RELA: variants seen among roughly 807,000 people sequenced by gnomAD.
The protein encoded by RELA is transcription factor p65.
In RELA, 14 loss-of-function variants were observed where a neutral mutation model predicts 56.7. The ratio of observed to expected loss-of-function variants is 0.25; its 90% CI spans 0.16 to 0.39. RELA has a LOEUF of 0.39. Among genes scored for constraint, RELA ranks in the 10% least tolerant of loss-of-function variants. The pLI is 1.00. For synonymous variants in RELA, 315 were observed against 289.7 expected (o/e 1.09, Z -0.89); for missense variants, 559 against 736.4 (o/e 0.76, Z 2.79).
chr11:65,663,009 T>C, upstream of RELA: 1 of 331,102 alleles, frequency 3.0e-6, no homozygotes, highest in Non-Finnish European at 5.0e-6. Context: ...CGGGAGCAAG[T>C]GCACGCCGCG....
chr11:65,660,181 G>A lies in RELA; in HGVS notation c.370C>T (p.Arg124Trp), dbSNP rs1856528845. 6.2e-7 allele frequency: 1 copy of A among 1,613,946 alleles called. No homozygotes were observed. The highest frequency in any genetic ancestry group is 8.5e-7 in the Non-Finnish European group (1 of 1,180,006). ...TGACTGATAGCCTGCTCCAGGTCCCGCTTCTTCACACACTGGATTCCCAGG... is the reference window on the plus strand; with the variant it reads ...TGACTGATAGCCTGCTCCAGGTCCCACTTCTTCACACACTGGATTCCCAGG... Reference protein sequence around the residue: ...QNLGIQCVKKRDLEQAISQRI... With the variant: ...QNLGIQCVKKWDLEQAISQRI... The change falls in exon 5 of 11, where the codon CGG (arginine) becomes TGG (tryptophan). Residue 124 changes from arginine to tryptophan, a missense_variant. Transcript: ENST00000406246.
chr11:65,662,703 G>C (rs1290469237), intron 1 of RELA, 123 bp downstream of exon 1: 2 of 777,068 alleles, frequency 2.6e-6, no homozygotes, highest in Non-Finnish European at 3.4e-6. Flanking sequence ...CCATCCGGCA[G>C]GCCGACCGCT....
chr11:65,655,268 C>G, intron 10 of RELA: 1 of 572,470 alleles, frequency 1.7e-6, no homozygotes, highest in Non-Finnish European at 3.1e-6. Context: ...GAGAGATAAG[C>G]TGGACTCCTC....
chr11:65,655,750 G>A lies in RELA; in HGVS notation c.971C>T (p.Pro324Leu), dbSNP rs780241287. The A allele has an allele frequency of 3.7e-6, 6 of 1,614,006 alleles. No homozygotes were observed. In the South Asian group the frequency reaches 6.6e-5, roughly 18 times the overall value. ...AGCAATGCGTCGAGGTGGAGGCCGG[G>A]GGTCGGTGGGTCCTGTAGGGCAAGG... ...KKSPFSGPTD[P>L]RPPPRRIAVP... is the part of the protein sequence containing the mutation. The change falls in exon 10 of 11, where the codon CCC (proline) becomes CTC (leucine). Residue 324 changes from proline to leucine, a missense_variant. By Grantham distance (98) the Pro-to-Leu change is moderately conservative (BLOSUM62 -3). This residue lies in a region of RELA where 365 missense variants were observed against 387.5 expected (regional missense o/e 0.94). Coordinates refer to ENST00000406246, the MANE Select transcript of RELA (RefSeq NM_021975.4).
At chr11:65,663,441 G>C (rs531686540), upstream of RELA, among the ~76,000 whole-genome samples, 1 of 152,144 alleles carries the variant, frequency 6.6e-6, no homozygotes, top group Admixed American at 6.6e-5. Context: ...GGCTGTGGGG[G>C]AATGGGAGCG....
rs761411488 is a variant in RELA, at chr11:65,655,779, A to G, written c.959-17T>C. 6.2e-6 allele frequency: 10 copies of G among 1,613,604 alleles called. No homozygotes were observed. The highest frequency in any genetic ancestry group is 8.5e-6 in the Non-Finnish European group (10 of 1,179,680). ...CGGTGGGTCCTGTAGGGCAAGGGCT[A>G]GGTCAGTTCTCAGCCCCAGGGTGTC... On this transcript the variant is annotated splice_polypyrimidine_tract_variant and intron_variant, in intron 9 of 10. Coordinates refer to ENST00000406246, the MANE Select transcript of RELA (RefSeq NM_021975.4).
chr11:65,658,772 CAG>C lies in RELA; in HGVS notation c.608_609del (p.Ser203TrpfsTer8). ...ATCTCATCCCCACCGAGGCAGCTGC[CAG>C]AGTTTCGGTTCACTCGGCAGATCTT... ...ELKICRVNRN[S>X]GSCLGGDEIF... On this transcript the variant is annotated frameshift_variant, in exon 7 of 11. Transcript: ENST00000406246. LOFTEE classifies it high-confidence loss of function. The surrounding 1 kb of genome is among the most constrained non-coding windows in gnomAD (Gnocchi z 4.5). 6.2e-7 allele frequency: 1 copy of C among 1,614,162 alleles called. No individual in the cohort carries two copies. The highest frequency in any genetic ancestry group is 8.5e-7 in the Non-Finnish European group (1 of 1,180,026).
chr11:65,663,364 AG>A (rs1169368912), upstream of RELA, among the ~76,000 whole-genome samples: 1 of 152,152 alleles, frequency 6.6e-6, no homozygotes, highest in African/African-American at 2.4e-5. Context: ...TAACCGCTAA[AG>A]GTGCCTTTCG....
intron 1 of RELA, 177 bp from the exon 2 acceptor site, chr11:65,662,382 C>T: frequency 3.0e-6 from 2 of 657,718 alleles, no homozygotes; most frequent in Non-Finnish European, 2.4e-6. Flanking sequence ...GAAACACCTG[C>T]TTCTTGAGGG....
At position 65,654,117 on chromosome 11, in the gene RELA, G is replaced by C. The variant is rs765705789; in HGVS notation, c.*261C>G. The C allele has an allele frequency of 3.8e-6, 2 of 524,996 alleles. No individual in the cohort carries two copies. The highest frequency in any genetic ancestry group is 5.9e-5 in the Admixed American group (2 of 34,182). 32.5% of individuals were successfully genotyped at this position (524,996 alleles called of 1,614,324 possible). ...AGAGTTCCCTACAGAGAAGGGAGCT[G>C]ACCATCAGGACAGGGGAAAAGTTTG... On this transcript the variant is annotated 3_prime_UTR_variant, in exon 11 of 11. Coordinates refer to ENST00000406246, the MANE Select transcript of RELA (RefSeq NM_021975.4).
chr11:65,660,387 C>T, intron 4 of RELA, 172 bp from the exon 5 acceptor site: 1 of 633,506 alleles, frequency 1.6e-6, no homozygotes, highest in Non-Finnish European at 2.8e-6. Flanking sequence ...ACTCAGCTGA[C>T]AAGCACCTCC....
At chr11:65,663,073 C>T (rs1017619663), upstream of RELA, 1 of 258,358 alleles carries the variant, frequency 3.9e-6, no homozygotes, top group Non-Finnish European at 7.2e-6. Context: ...GGGCCAAGTG[C>T]GCGCCTCGCC....
In RELA at chr11:65,658,219, T is replaced by A. The variant is rs1856477930; in HGVS notation, c.877+68A>T. The A allele has an allele frequency of 1.6e-6, 2 of 1,219,524 alleles. No homozygotes were observed. Among genetic ancestry groups the A allele is most frequent in the East Asian group, 2.6e-5 (1 of 38,658 alleles). The allele number at this position is 1,219,524 out of a possible 1,614,324, so 75.5% of individuals were successfully genotyped here. ...TGGCCCTCAACCACAGCCCCAGACA[T>A]GCAGTCTTGGCCTCTCTCTCACGGC... On this transcript the variant is annotated intron_variant, in intron 8 of 10. Coordinates refer to ENST00000406246, the MANE Select transcript of RELA (RefSeq NM_021975.4). The surrounding 1 kb of genome is among the most constrained non-coding windows in gnomAD (Gnocchi z 4.5).
chr11:65,662,474 G>A (rs533878990), intron 1 of RELA: 7 of 483,274 alleles, frequency 1.4e-5, no homozygotes, highest in African/African-American at 2.0e-5. Flanking sequence ...ATTGAGGGAG[G>A]GCACGCCCCA....
chr11:65,662,616 G>GA (rs1856601668), intron 1 of RELA: 1 of 375,760 alleles, frequency 2.7e-6, no homozygotes, highest in Non-Finnish European at 4.7e-6. Flanking sequence ...CAGGGAGGAT[G>GA]CTGAGTCAAG....
chr11:65,655,809 C>T (rs1298938288), intron 9 of RELA, 46 bp downstream of exon 9: 4 of 1,613,490 alleles, frequency 2.5e-6, no homozygotes, highest in Non-Finnish European at 3.4e-6. Context: ...GGTGTCCCCT[C>T]CCTGCCCGCT....
rs375798253 is a variant in RELA at position 65,660,461 on chromosome 11, C to T, written c.336-246G>A. ...CTTACAGCCACCGGGGCTCCTTTTC[C>T]ACTCTCTAAACACAGGACACTCATT... On this transcript the variant is annotated intron_variant, in intron 4 of 10. Transcript: ENST00000406246. The T allele has an allele frequency of 3.5e-5, 20 of 573,782 alleles. No homozygotes were observed. In the African/African-American group the frequency reaches 3.6e-4, roughly 10 times the overall value. 35.5% of individuals were successfully genotyped at this position (573,782 alleles called of 1,614,324 possible).
At chr11:65,660,465 C>A in intron 4 of RELA, 1 of 561,664 alleles carries the variant, frequency 1.8e-6, no homozygotes, top group Non-Finnish European at 3.2e-6. Flanking sequence ...CTTTTCCACT[C>A]TCTAAACACA....
chr11:65,659,600 A>ACC (rs1856512167), intron 6 of RELA, 66 bp downstream of exon 6: 19 of 1,597,354 alleles, frequency 1.2e-5, no homozygotes, highest in Non-Finnish European at 1.6e-5. Context: ...GGCCACACTC[A>ACC]CCCCAACCCC....
Sources: allele counts gnomAD v4.1 joint callset (sites outside exome capture counted in the v4.1 genomes callset), GRCh38; gene constraint gnomAD v4.1.1; regional missense constraint gnomAD v4.1.1; non-coding constraint Gnocchi (gnomAD v3.1); transcripts MANE v1.5; gene names NCBI Gene and HGNC (gene_info 2026-07-23, HGNC 2026-07-21).